Variants in EHBP1 observed in about 807,000 individuals in gnomAD.
EHBP1 encodes the protein EH domain-binding protein 1.
Under a neutral mutation model 144.0 loss-of-function variants are expected in EHBP1, and 55 were observed. That is an observed-to-expected ratio of 0.38 (90% CI 0.31 to 0.48). EHBP1 has a LOEUF of 0.48. EHBP1 is among the 20% of genes least tolerant of loss of function. The probability of loss-of-function intolerance (pLI) is 0.98; values close to 1 mark genes in which losing one functional copy is unlikely to be tolerated. For missense variants in EHBP1, 1,200 were observed against 1,364.2 expected, an observed-to-expected ratio of 0.88 and a Z score of 1.90; for synonymous variants, 469 against 472.7, an observed-to-expected ratio of 0.99 and a Z score of 0.10.
At chr2:62,703,988 G>T (rs1320423909), upstream of EHBP1, among the ~76,000 whole-genome samples, 1 of 152,082 alleles carries the variant, frequency 6.6e-6, no homozygotes, top group Non-Finnish European at 1.5e-5. Flanking sequence ...GGGTAACTTG[G>T]ATGAAAATAA....
chr2:62,935,021 T>TA (rs1213926267), intron 10 of EHBP1, among the ~76,000 whole-genome samples: 1 of 152,088 alleles, frequency 6.6e-6, no homozygotes, highest in Non-Finnish European at 1.5e-5. Context: ...TTGAGTCTTC[T>TA]AAGCCATGAA....
intron 10 of EHBP1, among the ~76,000 whole-genome samples, chr2:62,899,884 T>G (rs1357820091): frequency 6.6e-6 from 1 of 152,234 alleles, no homozygotes; most frequent in Non-Finnish European, 1.5e-5. Flanking sequence ...ATGCACAGTT[T>G]ATTTTATTGT....
intron 10 of EHBP1, among the ~76,000 whole-genome samples, chr2:62,939,746 C>T (rs555186800): frequency 6.6e-6 from 1 of 151,630 alleles, no homozygotes; most frequent in African/African-American, 2.4e-5. Flanking sequence ...TGAGAGAGTA[C>T]CAGGGAAATG....
intron 10 of EHBP1, among the ~76,000 whole-genome samples, chr2:62,937,845 A>G (rs984235499): frequency 4.6e-5 from 7 of 152,264 alleles, no homozygotes; most frequent in Admixed American, 1.3e-4. Flanking sequence ...AAGTATTTTG[A>G]CATCATTTTG....
At chr2:62,830,153 G>GACACACACACACACACAC (rs368948717) in intron 6 of EHBP1, among the ~76,000 whole-genome samples, 8 of 132,136 alleles carry the variant, frequency 6.1e-5, no homozygotes, top group East Asian at 4.4e-4. Flanking sequence ...TATATATATA[G>GACACACACACACACACAC]ACACACACAC....
chr2:62,996,333 A>T (rs1364198294), intron 18 of EHBP1, among the ~76,000 whole-genome samples: 2 of 152,158 alleles, frequency 1.3e-5, no homozygotes, highest in Non-Finnish European at 2.9e-5. Flanking sequence ...GTCCATGCTT[A>T]AATAACTCTG....
chr2:63,019,156 A>G (rs2060598165), intron 19 of EHBP1, among the ~76,000 whole-genome samples: 1 of 152,214 alleles, frequency 6.6e-6, no homozygotes, highest in Non-Finnish European at 1.5e-5. Flanking sequence ...TAGATTCCCA[A>G]GCCTTACTTA....
intron 10 of EHBP1, among the ~76,000 whole-genome samples, chr2:62,934,786 C>T (rs998581909): frequency 2.6e-5 from 4 of 152,098 alleles, no homozygotes; most frequent in African/African-American, 9.7e-5. Flanking sequence ...CATAGGCCTT[C>T]GAGTTAGATA....
At chr2:62,875,493 A>G (rs1253197461) in intron 10 of EHBP1, among the ~76,000 whole-genome samples, 1 of 152,232 alleles carries the variant, frequency 6.6e-6, no homozygotes. Flanking sequence ...AACTGCATCC[A>G]AAGGACAGCA....
intron 1 of EHBP1, among the ~76,000 whole-genome samples, chr2:62,696,154 C>CTA (rs1369951285): frequency 7.5e-6 from 1 of 133,664 alleles, no homozygotes; most frequent in Non-Finnish European, 1.6e-5. Context: ...CTCTCTCTCT[C>CTA]TCTCTCTCTC....
At chr2:62,728,247 A>T (rs909851089) in intron 2 of EHBP1, among the ~76,000 whole-genome samples, 1 of 152,170 alleles carries the variant, frequency 6.6e-6, no homozygotes, top group African/African-American at 2.4e-5. Context: ...TCCCATTCCT[A>T]TTCTATCTCA....
At chr2:62,908,776 G>C (rs1201766290) in intron 10 of EHBP1, among the ~76,000 whole-genome samples, 1 of 152,026 alleles carries the variant, frequency 6.6e-6, no homozygotes, top group Non-Finnish European at 1.5e-5. Context: ...TTTATCTCAT[G>C]ATTTAAACTC....
At chr2:62,729,416 A>T (rs1458908675) in intron 2 of EHBP1, among the ~76,000 whole-genome samples, 1 of 110,648 alleles carries the variant, frequency 9.0e-6, no homozygotes, top group African/African-American at 3.6e-5. Context: ...ATATAATAAT[A>T]ATAATATAAT....
intron 1 of EHBP1, among the ~76,000 whole-genome samples, chr2:62,681,760 G>A (rs1208604309): frequency 1.3e-5 from 2 of 152,160 alleles, no homozygotes; most frequent in Admixed American, 6.5e-5. Flanking sequence ...TATCATAAGG[G>A]GGAATTAGAA....
intron 6 of EHBP1, among the ~76,000 whole-genome samples, chr2:62,828,659 T>C (rs531020234): frequency 1.3e-5 from 2 of 152,338 alleles, no homozygotes; most frequent in South Asian, 4.1e-4. Flanking sequence ...TGTTTCCCTC[T>C]TACCCACAAA....
At chr2:62,790,148 G>A (rs183328168) in intron 5 of EHBP1, among the ~76,000 whole-genome samples, 76 of 152,206 alleles carry the variant, frequency 5.0e-4, no homozygotes, top group Admixed American at 1.2e-3. Flanking sequence ...ACATAATGTC[G>A]TCTTGTGACA....
At chr2:62,808,620 C>G (rs948563836) in intron 5 of EHBP1, among the ~76,000 whole-genome samples, 1 of 152,076 alleles carries the variant, frequency 6.6e-6, no homozygotes, top group Admixed American at 6.6e-5. Context: ...GAGTCTGGTT[C>G]TGATGCTTGC....
intron 5 of EHBP1, among the ~76,000 whole-genome samples, chr2:62,779,712 T>C (rs975874968): frequency 3.9e-5 from 6 of 152,208 alleles, no homozygotes; most frequent in Non-Finnish European, 7.4e-5. Flanking sequence ...GAAAGCAATG[T>C]ATAGAGGACC....
intron 2 of EHBP1, among the ~76,000 whole-genome samples, chr2:62,718,225 G>A (rs2035875039): frequency 6.6e-6 from 1 of 152,162 alleles, no homozygotes. Context: ...TAAACCAAGA[G>A]TACCACTTGG....
Sources: allele counts gnomAD v4.1 joint callset (sites outside exome capture counted in the v4.1 genomes callset), GRCh38; gene constraint gnomAD v4.1.1; transcripts MANE v1.5; gene names NCBI Gene and HGNC (gene_info 2026-07-23, HGNC 2026-07-21).